The following PPFIA2 variants were observed in gnomAD, a reference collection of about 807,000 sequenced individuals.
PPFIA2 encodes the protein liprin-alpha-2.
In PPFIA2, 46 loss-of-function variants were observed where a neutral mutation model predicts 175.5. The ratio of observed to expected loss-of-function variants is 0.26; its 90% CI spans 0.21 to 0.34. The LOEUF (loss-of-function observed/expected upper bound fraction) is 0.34. PPFIA2 is among the 10% of genes least tolerant of loss of function. The pLI is 1.00. For missense variants in PPFIA2, 1,179 were observed against 1,506.1 expected (o/e 0.78, Z 3.60); for synonymous variants, 568 against 511.4 (o/e 1.11, Z -1.49).
chr12:81,495,494 C>T (rs754430200), intron 4 of PPFIA2, among the ~76,000 whole-genome samples: 21 of 152,028 alleles, frequency 1.4e-4, no homozygotes, highest in Non-Finnish European at 2.5e-4. Flanking sequence ...AATAAATACA[C>T]TTAAATACTT....
chr12:81,610,847 T>C (rs951579776), intron 4 of PPFIA2, among the ~76,000 whole-genome samples: 1 of 152,202 alleles, frequency 6.6e-6, no homozygotes, highest in African/African-American at 2.4e-5. Flanking sequence ...TCAGAGAGTT[T>C]TGATGTTCCT....
At chr12:81,355,440 C>T (rs1419076980) in intron 16 of PPFIA2, among the ~76,000 whole-genome samples, 1 of 152,150 alleles carries the variant, frequency 6.6e-6, no homozygotes, top group Non-Finnish European at 1.5e-5. Flanking sequence ...TTGGCTTCAG[C>T]TTACAGTCAC....
At chr12:81,680,076 A>G (rs2073322605) in intron 3 of PPFIA2, among the ~76,000 whole-genome samples, 1 of 152,028 alleles carries the variant, frequency 6.6e-6, no homozygotes, top group Admixed American at 6.6e-5. Context: ...AGGGGACATC[A>G]AATAGTATAA....
At chr12:81,474,905 TCTGA>T (rs770175297) in intron 4 of PPFIA2, among the ~76,000 whole-genome samples, 2 of 152,342 alleles carry the variant, frequency 1.3e-5, no homozygotes, top group South Asian at 2.1e-4. Flanking sequence ...AAAGAGGGAC[TCTGA>T]CTGACTGAAA....
chr12:81,612,272 C>A (rs561034814), intron 4 of PPFIA2, among the ~76,000 whole-genome samples: 4 of 152,208 alleles, frequency 2.6e-5, no homozygotes, highest in Admixed American at 2.0e-4. Flanking sequence ...AGTGCTCATT[C>A]TTTCACTCAC....
At chr12:81,281,859 T>C (rs1007947406) in intron 26 of PPFIA2, among the ~76,000 whole-genome samples, 1 of 152,108 alleles carries the variant, frequency 6.6e-6, no homozygotes. Flanking sequence ...ACCATTGCTA[T>C]ATTGTAATGG....
Position 81,569,920 on chromosome 12 carries a change from G to T in PPFIA2, c.303+106871C>A, listed in dbSNP as rs536098841. On this transcript the variant is annotated intron_variant, in intron 4 of 32. Coordinates refer to ENST00000549396, the MANE Select transcript of PPFIA2 (RefSeq NM_003625.5). ...CTGGTAATAGGCAGTGAGGGCATTT[G>T]AACTCTAAACTATCCACAATTTAAA... 3.3e-5 allele frequency among the ~76,000 whole-genome samples: 5 copies of T among 152,176 alleles called. No individual in the cohort carries two copies. In the East Asian group the frequency reaches 7.7e-4, roughly 24 times the overall value.
At chr12:81,295,353 C>A (rs981248207) in intron 23 of PPFIA2, among the ~76,000 whole-genome samples, 6 of 152,106 alleles carry the variant, frequency 3.9e-5, no homozygotes, top group African/African-American at 1.4e-4. Context: ...TATGTAGGGA[C>A]CAGAACGGCT....
chr12:81,605,239 T>A (rs2060170929), intron 4 of PPFIA2, among the ~76,000 whole-genome samples: 1 of 151,810 alleles, frequency 6.6e-6, no homozygotes, highest in African/African-American at 2.4e-5. Flanking sequence ...TGATAAGAAT[T>A]TGGGGATTTA....
chr12:81,625,095 A>G (rs920937137), intron 4 of PPFIA2, among the ~76,000 whole-genome samples: 7 of 151,892 alleles, frequency 4.6e-5, no homozygotes, highest in African/African-American at 1.7e-4. Context: ...TTATACACAC[A>G]CAATATGTTT....
chr12:81,721,775 C>G (rs535421952), intron 3 of PPFIA2, among the ~76,000 whole-genome samples: 1 of 151,122 alleles, frequency 6.6e-6, no homozygotes, highest in Non-Finnish European at 1.5e-5. Context: ...ATTTTTTAGT[C>G]ACATAAAACT....
chr12:81,627,954 T>G (rs1178744954), intron 4 of PPFIA2, among the ~76,000 whole-genome samples: 1 of 152,124 alleles, frequency 6.6e-6, no homozygotes, highest in African/African-American at 2.4e-5. Context: ...AAATCTTGAT[T>G]GCTGAAAATT....
Position 81,603,812 on chromosome 12 carries a change from T to C in PPFIA2, c.303+72979A>G, listed in dbSNP as rs532657616. Reference sequence around the variant, plus strand: ...TAGAATACCTTTTTCAAGGACAGAATCACTATTCTGACTAAAAAAAAAAAA... The same window carrying C: ...TAGAATACCTTTTTCAAGGACAGAACCACTATTCTGACTAAAAAAAAAAAA... On this transcript the variant is annotated intron_variant, in intron 4 of 32. Coordinates refer to ENST00000549396, the MANE Select transcript of PPFIA2 (RefSeq NM_003625.5). Among the ~76,000 whole-genome samples the C allele has an allele frequency of 1.2e-3, 128 of 107,510 alleles. 4 individuals carry two copies. The South Asian group carries it at 0.039, about 33-fold the overall frequency. The allele number at this position is 107,510 out of a possible 152,430, so 70.5% of individuals were successfully genotyped here.
At chr12:81,680,472 C>G (rs887416435) in intron 3 of PPFIA2, among the ~76,000 whole-genome samples, 1 of 151,890 alleles carries the variant, frequency 6.6e-6, no homozygotes, top group Admixed American at 6.6e-5. Flanking sequence ...TCCTAGTGAA[C>G]AGTTTCACCC....
intron 5 of PPFIA2, among the ~76,000 whole-genome samples, chr12:81,449,435 T>G (rs2051980623): frequency 6.6e-6 from 1 of 151,364 alleles, no homozygotes; most frequent in Non-Finnish European, 1.5e-5. Context: ...AGAAACACCA[T>G]CTTACCGAGT....
intron 7 of PPFIA2, among the ~76,000 whole-genome samples, chr12:81,411,426 C>T (rs532197903): frequency 6.6e-6 from 1 of 152,154 alleles, no homozygotes; most frequent in African/African-American, 2.4e-5. Flanking sequence ...TCTAGGCACT[C>T]TCAAACACGT....
At chr12:81,515,783 C>T (rs894325529) in intron 4 of PPFIA2, among the ~76,000 whole-genome samples, 2 of 152,058 alleles carry the variant, frequency 1.3e-5, no homozygotes, top group African/African-American at 4.8e-5. Context: ...ATTCTACATT[C>T]ATTTTTCTCA....
At chr12:81,361,585 T>G (rs933896592) in intron 15 of PPFIA2, among the ~76,000 whole-genome samples, 5 of 151,606 alleles carry the variant, frequency 3.3e-5, no homozygotes, top group Non-Finnish European at 5.9e-5. Flanking sequence ...TTGAAAAGAA[T>G]TTAAGACACT....
chr12:81,654,264 A>G (rs1031596354), intron 4 of PPFIA2, among the ~76,000 whole-genome samples: 1 of 152,026 alleles, frequency 6.6e-6, no homozygotes, highest in Non-Finnish European at 1.5e-5. Flanking sequence ...AAAAACATCT[A>G]TTTTATACTG....
Sources: gnomAD v4.1 joint callset for allele counts (sites outside exome capture counted in the v4.1 genomes callset) on GRCh38, gnomAD v4.1.1 for gene constraint, MANE v1.5 for transcripts, NCBI Gene and HGNC (gene_info 2026-07-23, HGNC 2026-07-21) for gene names.